WLS: variants seen among roughly 807,000 people sequenced by gnomAD.
The protein encoded by WLS is Wnt ligand secretion mediator, also known as protein wntless homolog.
WLS carries 23 observed loss-of-function variants against 62.8 expected under a neutral mutation model. The observed-to-expected ratio is 0.37, with a 90% CI of 0.26 to 0.52. The LOEUF (loss-of-function observed/expected upper bound fraction) is 0.52. Ranked by LOEUF, WLS falls within the 20% of genes least tolerant of loss-of-function variation. The probability of loss-of-function intolerance (pLI) is 0.92; values close to 1 mark genes in which losing one functional copy is unlikely to be tolerated. For missense variants in WLS, 615 were observed against 697.3 expected (o/e 0.88, Z 1.33); for synonymous variants, 246 against 244.1 (o/e 1.01, Z -0.07).
chr1:68,231,952 T>G, intron 1 of WLS: 12 of 328,764 alleles, frequency 3.7e-5, no homozygotes, highest in East Asian at 8.5e-5. Flanking sequence ...GCCGCCCCCC[T>G]CTTGCCTTTC....
chr1:68,113,228 G>A (rs539299685), intron 11 of WLS, among the ~76,000 whole-genome samples: 1 of 152,356 alleles, frequency 6.6e-6, no homozygotes, highest in East Asian at 1.9e-4. Context: ...AGGCCTTATA[G>A]ATAGGTTGTT....
At chr1:68,225,394 T>G (rs1650102201) in intron 1 of WLS, among the ~76,000 whole-genome samples, 1 of 152,134 alleles carries the variant, frequency 6.6e-6, no homozygotes, top group Non-Finnish European at 1.5e-5. Context: ...TACGGGCACT[T>G]TCTCTAGAAC....
chr1:68,175,916 T>G lies in WLS; in HGVS notation c.380-16669A>C, dbSNP rs551683420. The stretch of plus-strand genomic sequence containing the variant: ...AAAGAAAAGAAGAGACAGAAAACGC[T>G]TGCAGGAAAAGCCAGCTACTAGAAG... On this transcript the variant is annotated intron_variant, in intron 2 of 11. Coordinates refer to ENST00000262348, the MANE Select transcript of WLS (RefSeq NM_024911.7). Among the ~76,000 whole-genome samples the G allele has an allele frequency of 1.1e-3, 171 of 152,340 alleles. 1 individual carries two copies. In the South Asian group the frequency reaches 0.017, roughly 15 times the overall value.
intron 2 of WLS, among the ~76,000 whole-genome samples, chr1:68,159,503 C>A (rs575020198): frequency 9.5e-4 from 133 of 140,712 alleles, no homozygotes; most frequent in African/African-American, 3.6e-3. Context: ...GGGCCTCACT[C>A]TCTCTGAGGG....
intron 1 of WLS, among the ~76,000 whole-genome samples, chr1:68,207,397 G>C (rs1460991937): frequency 6.6e-6 from 1 of 152,180 alleles, no homozygotes; most frequent in East Asian, 1.9e-4. Context: ...AGAAATGAAA[G>C]TCATAGCATA....
intron 1 of WLS, chr1:68,231,858 G>T: frequency 9.2e-5 from 1 of 10,826 alleles, no homozygotes; most frequent in Non-Finnish European, 2.4e-4. Context: ...GGGAAAAAGC[G>T]GGGGGGGGGG....
At chr1:68,219,776 A>G (rs1649871116) in intron 1 of WLS, among the ~76,000 whole-genome samples, 1 of 152,218 alleles carries the variant, frequency 6.6e-6, no homozygotes, top group Non-Finnish European at 1.5e-5. Flanking sequence ...ATAAACTATA[A>G]TTCTAGCTAA....
At chr1:68,168,654 G>GA (rs1414852529) in intron 2 of WLS, among the ~76,000 whole-genome samples, 8 of 152,206 alleles carry the variant, frequency 5.3e-5, no homozygotes, top group East Asian at 3.9e-4. Context: ...TTTGCCCTGG[G>GA]AAAAAAATTA....
chr1:68,154,988 A>T, intron 4 of WLS, 111 bp downstream of exon 4: 1 of 1,137,250 alleles, frequency 8.8e-7, no homozygotes, highest in Non-Finnish European at 1.2e-6. Context: ...AGCCATCATG[A>T]GTATGTTATT....
intron 1 of WLS, among the ~76,000 whole-genome samples, chr1:68,220,913 G>C (rs1649914923): frequency 6.6e-6 from 1 of 151,990 alleles, no homozygotes; most frequent in South Asian, 2.1e-4. Flanking sequence ...CATTAATCTT[G>C]ACTTTGTTAA....
chr1:68,231,705 T>C (rs1179795334), intron 1 of WLS: 1 of 458,248 alleles, frequency 2.2e-6, no homozygotes, highest in Non-Finnish European at 4.4e-6. Context: ...TTTACAACCG[T>C]GCAAGTATCT....
intron 1 of WLS, among the ~76,000 whole-genome samples, chr1:68,208,017 G>C (rs1005063046): frequency 6.6e-6 from 1 of 152,206 alleles, no homozygotes; most frequent in Non-Finnish European, 1.5e-5. Flanking sequence ...CATCTTGGAT[G>C]TTAAAAACAG....
chr1:68,170,160 C>CTTTTTTTCTTTTTTTTTTTTTT (rs1553131191), intron 2 of WLS, among the ~76,000 whole-genome samples: 6 of 86,752 alleles, frequency 6.9e-5, no homozygotes, highest in Non-Finnish European at 9.2e-5. Context: ...GCTACTATTT[C>CTTTTTTTCTTTTTTTTTTTTTT]TTTTTTTTTT....
chr1:68,108,403 A>G (rs1646176297), intron 11 of WLS, among the ~76,000 whole-genome samples: 1 of 152,206 alleles, frequency 6.6e-6, no homozygotes. Context: ...GGATTGTCCT[A>G]AAATCCAAAT....
At chr1:68,162,425 C>T (rs114559913) in intron 2 of WLS, 6 of 1,613,566 alleles carry the variant, frequency 3.7e-6, no homozygotes, top group Middle Eastern at 1.7e-4. Flanking sequence ...ACCCTCTGCA[C>T]GCCCAGGGAT....
intron 1 of WLS, chr1:68,231,787 C>T (rs1228750389): frequency 6.3e-6 from 3 of 475,548 alleles, no homozygotes; most frequent in Non-Finnish European, 1.2e-5. Flanking sequence ...CTAATAAAGT[C>T]GATTACGTTG....
chr1:68,192,049 G>A (rs1648339423), intron 2 of WLS, among the ~76,000 whole-genome samples: 1 of 152,148 alleles, frequency 6.6e-6, no homozygotes, highest in Non-Finnish European at 1.5e-5. Context: ...TTATTTGCCT[G>A]TCATTTCCAC....
intron 11 of WLS, among the ~76,000 whole-genome samples, chr1:68,112,706 C>A (rs1646243781): frequency 6.6e-6 from 1 of 152,168 alleles, no homozygotes; most frequent in Non-Finnish European, 1.5e-5. Flanking sequence ...TTGTACCTCC[C>A]ATTGGTCACC....
rs1557450001 is a variant in WLS at position 68,115,759 on chromosome 1, A to C, written c.1511-17006T>G. On this transcript the variant is annotated intron_variant, in intron 11 of 11. Transcript: ENST00000354777. Reference sequence around the variant, plus strand: ...TGAAGGCATTTTCAAATGAGACTTTAAAATATGTTTTTCTCTTCTTATAAA... The same window carrying C: ...TGAAGGCATTTTCAAATGAGACTTTCAAATATGTTTTTCTCTTCTTATAAA... Among the ~76,000 whole-genome samples the C allele has an allele frequency of 2.3e-5, 3 of 130,816 alleles. No individual in the cohort carries two copies. The Admixed American group carries it at 2.4e-4, about 10-fold the overall frequency. The allele number at this position is 130,816 out of a possible 152,430, so 85.8% of individuals were successfully genotyped here. A position where few individuals can be genotyped will look rare whatever the true frequency, so the allele number is the denominator to read the frequency against.
Sources: gnomAD v4.1 joint callset for allele counts (sites outside exome capture counted in the v4.1 genomes callset) on GRCh38, gnomAD v4.1.1 for gene constraint, MANE v1.5 for transcripts, NCBI Gene and HGNC (gene_info 2026-07-23, HGNC 2026-07-21) for gene names.